Variants in TRAPPC10 observed in about 807,000 individuals in gnomAD.
TRAPPC10 encodes the protein trafficking protein particle complex subunit 10.
In TRAPPC10, 23 loss-of-function variants were observed where a neutral mutation model predicts 125.5. That is an observed-to-expected ratio of 0.18 (90% CI 0.13 to 0.26). The LOEUF (loss-of-function observed/expected upper bound fraction) is 0.26, where lower values mean the gene tolerates loss of function less well. TRAPPC10 is among the 10% of genes least tolerant of loss of function. TRAPPC10 has a pLI of 1.00. For synonymous variants in TRAPPC10, 509 were observed against 518.0 expected, an observed-to-expected ratio of 0.98 and a Z score of 0.24; for missense variants, 1,123 against 1,308.4, an observed-to-expected ratio of 0.86 and a Z score of 2.19.
At chr21:44,053,069 C>G (rs144038669) in intron 4 of TRAPPC10, among the ~76,000 whole-genome samples, 1 of 152,078 alleles carries the variant, frequency 6.6e-6, no homozygotes, top group East Asian at 1.9e-4. Context: ...GTCTGTATCT[C>G]GTAGCTTAGC....
chr21:44,056,716 C>CA (rs1196857315), intron 5 of TRAPPC10, among the ~76,000 whole-genome samples: 4 of 152,142 alleles, frequency 2.6e-5, no homozygotes, highest in Admixed American at 2.6e-4. Flanking sequence ...GTGAAGCTGA[C>CA]AGACTGCAGG....
intron 6 of TRAPPC10, among the ~76,000 whole-genome samples, chr21:44,060,915 T>TACACACACAC (rs34848979): frequency 0.018 from 2,428 of 132,218 alleles, 86 homozygotes; most frequent in African/African-American, 0.069. Flanking sequence ...CATACATACA[T>TACACACACAC]ACACACACAC....
intron 7 of TRAPPC10, among the ~76,000 whole-genome samples, chr21:44,065,559 C>G (rs2036383003): frequency 6.6e-6 from 1 of 152,204 alleles, no homozygotes; most frequent in Non-Finnish European, 1.5e-5. Context: ...GGATTTGAGG[C>G]AAGGACGTGT....
intron 2 of TRAPPC10, among the ~76,000 whole-genome samples, chr21:44,033,549 G>C (rs770568042): frequency 6.6e-6 from 1 of 152,130 alleles, no homozygotes; most frequent in Non-Finnish European, 1.5e-5. Context: ...AGATAATTTT[G>C]AGAAAAAAAT....
chr21:44,071,484 T>C (rs2255716), intron 7 of TRAPPC10, among the ~76,000 whole-genome samples: 53,771 of 152,156 alleles, frequency 0.35, 12,850 homozygotes, highest in African/African-American at 0.68. Context: ...CTCGCTGCTG[T>C]GGAGCCCACC....
rs545041793 is a variant in TRAPPC10, at chr21:44,045,553, C to T, written c.286-6727C>T. ...TTTTCTTTGCATTTTAAGATTTTTT[C>T]TTTCTTTTTTCTTTTTTTGAGAGAG... is the stretch of plus-strand genomic sequence containing the variant. On this transcript the variant is annotated intron_variant, in intron 3 of 22. Coordinates refer to ENST00000291574, the MANE Select transcript of TRAPPC10 (RefSeq NM_003274.5). 2.0e-5 allele frequency among the ~76,000 whole-genome samples: 3 copies of T among 150,094 alleles called. No homozygotes were observed. In the South Asian group the frequency reaches 6.4e-4, roughly 32 times the overall value.
At chr21:44,086,718 A>C in intron 15 of TRAPPC10, 84 bp from the exon 16 acceptor site, 7 of 1,414,294 alleles carry the variant, frequency 4.9e-6, no homozygotes, top group Non-Finnish European at 5.9e-6. Flanking sequence ...TAAAAGAAAT[A>C]GAGCCCCTTT....
intron 3 of TRAPPC10, among the ~76,000 whole-genome samples, chr21:44,045,316 G>A (rs1305348623): frequency 6.6e-6 from 1 of 152,098 alleles, no homozygotes; most frequent in African/African-American, 2.4e-5. Flanking sequence ...CTGTAACCTT[G>A]CTTGTAGTGT....
rs774265553 is a variant in TRAPPC10 at position 44,086,956 on chromosome 21, G to A, written c.2535G>A (p.Thr845=). 15 of 1,613,910 alleles carry A rather than the reference G, an allele frequency of 9.3e-6. No individual in the cohort carries two copies. In the South Asian group the frequency reaches 9.9e-5, roughly 11 times the overall value. Residue 845 remains threonine (T), a synonymous_variant, in exon 16 of 23, where the codon ACG becomes ACA. Transcript: ENST00000291574. ...GCAGGGCTGTGGTCTACTCCAACAC[G>A]AGAGGTGAGGTGCCGCCCACCCAGG... ...AESRAVVYSN[T]REQSSEAALR...
At chr21:44,034,147 T>G (rs2033802295) in intron 2 of TRAPPC10, among the ~76,000 whole-genome samples, 1 of 152,082 alleles carries the variant, frequency 6.6e-6, no homozygotes, top group Non-Finnish European at 1.5e-5. Flanking sequence ...TTCAATCCCT[T>G]GTGTCTTGTG....
intron 19 of TRAPPC10, among the ~76,000 whole-genome samples, chr21:44,093,627 G>A (rs764099571): frequency 6.6e-6 from 1 of 151,900 alleles, no homozygotes; most frequent in Non-Finnish European, 1.5e-5. Context: ...GCATGGCGGC[G>A]TGCATCTGTA....
chr21:44,062,561 G>A, intron 6 of TRAPPC10: 1 of 985,456 alleles, frequency 1.0e-6, no homozygotes, highest in Non-Finnish European at 1.2e-6. Flanking sequence ...CCTAGCCAAG[G>A]GAACTGCTGG....
At chr21:44,072,615 C>G (rs368056165) in intron 7 of TRAPPC10, among the ~76,000 whole-genome samples, 1 of 152,190 alleles carries the variant, frequency 6.6e-6, no homozygotes, top group African/African-American at 2.4e-5. Context: ...AGGTGCATGC[C>G]ACCACACCCG....
intron 5 of TRAPPC10, among the ~76,000 whole-genome samples, chr21:44,056,813 C>T (rs571033611): frequency 6.6e-6 from 1 of 152,108 alleles, no homozygotes; most frequent in Non-Finnish European, 1.5e-5. Flanking sequence ...GGAAAAACCA[C>T]TGAAATTCCA....
intron 7 of TRAPPC10, among the ~76,000 whole-genome samples, chr21:44,073,152 A>T (rs1265113680): frequency 6.6e-6 from 1 of 152,138 alleles, no homozygotes; most frequent in Non-Finnish European, 1.5e-5. Context: ...TAAGTAGCTT[A>T]TCTTATTTTT....
At position 44,094,124 on chromosome 21, in the gene TRAPPC10, C is replaced by G. The variant is rs570894225; in HGVS notation, c.3059C>G (p.Pro1020Arg). Residue 1020 changes from proline to arginine, a missense_variant, in exon 20 of 23, where the codon CCC becomes CGC. Physicochemically the swap from Pro to Arg is moderately radical, Grantham distance 103 (BLOSUM62 -2). Coordinates refer to ENST00000291574, the MANE Select transcript of TRAPPC10 (RefSeq NM_003274.5). ...VWELKWTEEP[P>R]PSLHCRFSVG... ...GAACTCAAGTGGACAGAAGAGCCTC[C>G]CCCTTCTCTGCATTGCCGGTTCTCT... 2 of 1,614,162 alleles carry G rather than the reference C, an allele frequency of 1.2e-6. No homozygotes were observed. The highest frequency in any genetic ancestry group is 2.7e-5 in the African/African-American group (2 of 75,042).
chr21:44,013,544 A>G (rs2031430779), intron 1 of TRAPPC10, among the ~76,000 whole-genome samples: 1 of 152,196 alleles, frequency 6.6e-6, no homozygotes. Flanking sequence ...AGTAGACTGT[A>G]TGTCGTGAGA....
In TRAPPC10 at chr21:44,063,449, C is replaced by T; in HGVS notation, c.791-89C>T. ...ATAGAAAAACTGGTTATGAAGCTGCCTGTTTGCCCACCATCCTCAGCCTGA... is the reference window on the plus strand; with the variant it reads ...ATAGAAAAACTGGTTATGAAGCTGCTTGTTTGCCCACCATCCTCAGCCTGA... On this transcript the variant is annotated intron_variant, in intron 6 of 22. Transcript: ENST00000291574. The surrounding 1 kb of genome is among the most constrained non-coding windows in gnomAD (Gnocchi z 4.4). The T allele has an allele frequency of 1.3e-6, 2 of 1,540,030 alleles. No individual in the cohort carries two copies. The highest frequency in any genetic ancestry group is 1.8e-6 in the Non-Finnish European group (2 of 1,141,032).
intron 6 of TRAPPC10, among the ~76,000 whole-genome samples, chr21:44,060,859 C>T (rs1044871425): frequency 4.0e-5 from 6 of 151,504 alleles, no homozygotes; most frequent in Non-Finnish European, 4.4e-5. Flanking sequence ...CCTCGGCTTC[C>T]CAAAGTGCTG....
Sources: gnomAD v4.1 joint callset for allele counts (sites outside exome capture counted in the v4.1 genomes callset) on GRCh38, gnomAD v4.1.1 for gene constraint, Gnocchi (gnomAD v3.1) non-coding constraint, MANE v1.5 for transcripts, NCBI Gene and HGNC (gene_info 2026-07-23, HGNC 2026-07-21) for gene names.